ANK3: variants seen among roughly 807,000 people sequenced by gnomAD.
The protein encoded by ANK3 is ankyrin-3.
ANK3 carries 57 observed loss-of-function variants against 370.9 expected under a neutral mutation model. The ratio of observed to expected loss-of-function variants is 0.15; its 90% CI spans 0.12 to 0.19. The LOEUF is 0.19. Among genes scored for constraint, ANK3 ranks in the 10% least tolerant of loss-of-function variants. ANK3 has a pLI of 1.00. For missense variants in ANK3, 4,439 were observed against 5,302.1 expected (o/e 0.84, Z 5.06); for synonymous variants, 1,929 against 1,946.3 (o/e 0.99, Z 0.23).
chr10:60,032,798 C>A (rs1375226439), intron 43 of ANK3, among the ~76,000 whole-genome samples: 1 of 152,086 alleles, frequency 6.6e-6, no homozygotes, highest in Non-Finnish European at 1.5e-5. Context: ...CTTGGTTATG[C>A]AATCAGAGCC....
At chr10:60,038,073 G>T (rs1434046432) in intron 43 of ANK3, among the ~76,000 whole-genome samples, 1 of 152,156 alleles carries the variant, frequency 6.6e-6, no homozygotes, top group African/African-American at 2.4e-5. Context: ...TCATATGCTT[G>T]TTGGCCACAT....
chr10:60,478,938 C>G (rs756044892), intron 2 of ANK3, among the ~76,000 whole-genome samples: 1 of 151,996 alleles, frequency 6.6e-6, no homozygotes. Flanking sequence ...TCTTGGCATA[C>G]GAACACGGTG....
intron 2 of ANK3, among the ~76,000 whole-genome samples, chr10:60,571,678 C>T (rs1275579488): frequency 6.6e-6 from 1 of 152,108 alleles, no homozygotes; most frequent in Non-Finnish European, 1.5e-5. Flanking sequence ...TGGTGGCACA[C>T]CCTAAAACCA....
In ANK3 at chr10:60,263,987, G is replaced by T; in HGVS notation, c.547C>A (p.Gln183Lys). Residue 183 changes from glutamine (Q) to lysine (K), a missense_variant, in exon 6 of 44, where the codon CAA becomes AAA. Coordinates refer to ENST00000280772, the MANE Select transcript of ANK3 (RefSeq NM_020987.5). ...AGCGAAACGACTTGGTCGTGACCTTGTTGCAAAGCCACTGCCAATGGTGTG... is the reference window on the plus strand; with the variant it reads ...AGCGAAACGACTTGGTCGTGACCTTTTTGCAAAGCCACTGCCAATGGTGTG... ...GFTPLAVALQQGHDQVVSLLL... is the reference protein window; with the variant it reads ...GFTPLAVALQKGHDQVVSLLL... The T allele has an allele frequency of 6.2e-7, 1 of 1,614,098 alleles. No homozygotes were observed. The highest frequency in any genetic ancestry group is 8.5e-7 in the Non-Finnish European group (1 of 1,179,986).
intron 1 of ANK3, among the ~76,000 whole-genome samples, chr10:60,634,402 A>T (rs1483420250): frequency 6.6e-6 from 1 of 152,190 alleles, no homozygotes; most frequent in Non-Finnish European, 1.5e-5. Flanking sequence ...AGCCAGCTGG[A>T]CTTCCTGGGT....
At chr10:60,485,591 C>T (rs1188399459) in intron 2 of ANK3, among the ~76,000 whole-genome samples, 1 of 152,178 alleles carries the variant, frequency 6.6e-6, no homozygotes, top group Non-Finnish European at 1.5e-5. Context: ...AAGCACAGCT[C>T]TCTAAGGGCG....
At chr10:60,533,378 T>C (rs2075816636) in intron 2 of ANK3, among the ~76,000 whole-genome samples, 1 of 152,134 alleles carries the variant, frequency 6.6e-6, no homozygotes, top group African/African-American at 2.4e-5. Flanking sequence ...GAGGGTTTAT[T>C]TCTTCTCCAG....
chr10:60,599,277 G>C (rs1345548972), intron 2 of ANK3, among the ~76,000 whole-genome samples: 1 of 152,014 alleles, frequency 6.6e-6, no homozygotes, highest in African/African-American at 2.4e-5. Flanking sequence ...AAAATTAAGA[G>C]CCCACTAACT....
At chr10:60,485,981 G>A (rs2075337389) in intron 2 of ANK3, among the ~76,000 whole-genome samples, 1 of 152,050 alleles carries the variant, frequency 6.6e-6, no homozygotes, top group Non-Finnish European at 1.5e-5. Flanking sequence ...AAAGCAAAGA[G>A]GAAACCAGTG....
Position 60,072,300 on chromosome 10 carries a change from T to C in ANK3, c.8581A>G (p.Thr2861Ala). Residue 2861 changes from threonine (T) to alanine (A), a missense_variant, in exon 37 of 44, where the codon ACT becomes GCT. Thr to Ala is a moderately conservative substitution (Grantham distance 58). Transcript: ENST00000280772. ...VFRTWESSGA[T>A]NNKSQKEKLS... The stretch of plus-strand genomic sequence containing the variant: ...TTTTCTTTCTGAGACTTATTGTTAG[T>C]GGCTCCCGAACTCTCCCATGTTCTA... The C allele has an allele frequency of 6.2e-7, 1 of 1,614,114 alleles. No individual in the cohort carries two copies. The highest frequency in any genetic ancestry group is 2.2e-5 in the East Asian group (1 of 44,874).
intron 2 of ANK3, among the ~76,000 whole-genome samples, chr10:60,404,317 G>C (rs1469066332): frequency 6.6e-6 from 1 of 152,004 alleles, no homozygotes; most frequent in African/African-American, 2.4e-5. Flanking sequence ...AAAGTTGAAA[G>C]AGTGACACTA....
In ANK3 at chr10:60,159,578, T is replaced by G. The variant is rs115530351; in HGVS notation, c.2614+7013A>C. ...ATAGACCAAATGACCCTAATAGACA[T>G]GCACAGAACATTCTATCCAACACCT... On this transcript the variant is annotated intron_variant, in intron 23 of 43. Transcript: ENST00000280772. Among the ~76,000 whole-genome samples, 1,292 of 152,210 alleles carry G rather than the reference T, an allele frequency of 8.5e-3. 11 individuals are homozygous for G. Among genetic ancestry groups the G allele is most frequent in the African/African-American group, 0.03 (1,243 of 41,542 alleles).
At chr10:60,617,620 T>A (rs926702503) in intron 1 of ANK3, among the ~76,000 whole-genome samples, 2 of 152,170 alleles carry the variant, frequency 1.3e-5, no homozygotes, top group Non-Finnish European at 2.9e-5. Flanking sequence ...AACCAGACAC[T>A]AGATTCAGGG....
chr10:60,706,259 T>C (rs970217054), intron 1 of ANK3, among the ~76,000 whole-genome samples: 30 of 152,224 alleles, frequency 2.0e-4, no homozygotes, highest in African/African-American at 7.0e-4. Flanking sequence ...ATCAGCCTAA[T>C]GGCTAAGGTC....
intron 2 of ANK3, among the ~76,000 whole-genome samples, chr10:60,474,307 G>A (rs2074998419): frequency 6.6e-6 from 1 of 152,130 alleles, no homozygotes; most frequent in Admixed American, 6.5e-5. Context: ...AAACTTTATG[G>A]AGACAGTGCT....
intron 2 of ANK3, among the ~76,000 whole-genome samples, chr10:60,450,282 C>T (rs533049890): frequency 3.3e-5 from 5 of 152,194 alleles, no homozygotes; most frequent in South Asian, 4.1e-4. Context: ...TGGGTGACAG[C>T]GGGAGGCCCT....
Position 60,247,436 on chromosome 10 carries a change from A to T in ANK3, c.799-12650T>A, listed in dbSNP as rs184026332. Among the ~76,000 whole-genome samples the T allele has an allele frequency of 2.2e-4, 33 of 152,318 alleles. No individual in the cohort carries two copies. The East Asian group carries it at 4.2e-3, about 20-fold the overall frequency. ...TTAAGTGCACAGTTCAGCAGCATTAAGTACACAGCATTCTGCAATCAGTCT... is the reference window on the plus strand; with the variant it reads ...TTAAGTGCACAGTTCAGCAGCATTATGTACACAGCATTCTGCAATCAGTCT... On this transcript the variant is annotated intron_variant, in intron 7 of 43. Coordinates refer to ENST00000280772, the MANE Select transcript of ANK3 (RefSeq NM_020987.5).
intron 16 of ANK3, among the ~76,000 whole-genome samples, chr10:60,192,485 T>C (rs938346732): frequency 6.6e-6 from 1 of 151,118 alleles, no homozygotes; most frequent in Non-Finnish European, 1.5e-5. Context: ...CACACATAAA[T>C]ACACACACAC....
chr10:60,659,744 G>A (rs1022665482), intron 1 of ANK3, among the ~76,000 whole-genome samples: 1 of 151,794 alleles, frequency 6.6e-6, no homozygotes, highest in East Asian at 1.9e-4. Flanking sequence ...AAAATCTGTG[G>A]GGAAAAAAAA....
Sources: gnomAD v4.1 joint callset for allele counts (sites outside exome capture counted in the v4.1 genomes callset) on GRCh38, gnomAD v4.1.1 for gene constraint, MANE v1.5 for transcripts, NCBI Gene and HGNC (gene_info 2026-07-23, HGNC 2026-07-21) for gene names.